SCAND3: variants seen among roughly 807,000 people sequenced by gnomAD.
SCAND3 encodes the protein SCAN domain-containing protein 3.
chr6:28,585,008 C>T, the SCAND3 span, among the ~76,000 whole-genome samples: 1 of 152,252 alleles, frequency 6.6e-6, no homozygotes, highest in Non-Finnish European at 1.5e-5. Context: ...AATCCACACA[C>T]TTAACAAATG....
the SCAND3 span, among the ~76,000 whole-genome samples, chr6:28,596,411 T>C: frequency 6.6e-6 from 1 of 152,040 alleles, no homozygotes; most frequent in African/African-American, 2.4e-5. Context: ...GAGATAAAAA[T>C]AGAAATATAT....
the SCAND3 span, chr6:28,591,621 C>T: frequency 1.3e-5 from 2 of 152,162 alleles, no homozygotes; most frequent in African/African-American, 4.8e-5. Context: ...CACTTTCTAT[C>T]AAATGGTTGT....
At chr6:28,579,527 T>C in the SCAND3 span, 1 of 1,024,922 alleles carries the variant, frequency 9.8e-7, no homozygotes, top group Non-Finnish European at 1.4e-6. The surrounding 1 kb of genome is among the most constrained non-coding windows in gnomAD (Gnocchi z 4.5). Context: ...AATCAGTCTT[T>C]ACTGAATTCT....
At chr6:28,604,577 C>T in the SCAND3 span, among the ~76,000 whole-genome samples, 4 of 149,612 alleles carry the variant, frequency 2.7e-5, no homozygotes, top group African/African-American at 7.4e-5. Context: ...GATCATGCCA[C>T]TGCACTCCAG....
chr6:28,586,675 C>T, the SCAND3 span: 1 of 1,614,020 alleles, frequency 6.2e-7, no homozygotes, highest in Admixed American at 1.7e-5. The surrounding 1 kb of genome is among the most constrained non-coding windows in gnomAD (Gnocchi z 4.4). Flanking sequence ...TCTTCTGGAG[C>T]CTGGCCAGCC....
At chr6:28,594,911 G>A in the SCAND3 span, among the ~76,000 whole-genome samples, 2,032 of 152,204 alleles carry the variant, frequency 0.013, 45 homozygotes, top group African/African-American at 0.045. Context: ...AAGGAATAGA[G>A]TTGTTAGTCA....
the SCAND3 span, among the ~76,000 whole-genome samples, chr6:28,600,653 CAG>C: frequency 6.6e-6 from 1 of 152,034 alleles, no homozygotes; most frequent in East Asian, 1.9e-4. Context: ...AAAAAGTAAA[CAG>C]AGTTTTAAGA....
chr6:28,579,212 A>T, the SCAND3 span: 5 of 1,500,916 alleles, frequency 3.3e-6, no homozygotes, highest in Non-Finnish European at 4.6e-6. The surrounding 1 kb of genome is among the most constrained non-coding windows in gnomAD (Gnocchi z 4.5). Flanking sequence ...ATAACTTTCA[A>T]TACTAGACCC....
chr6:28,575,507 A>G, the SCAND3 span: 1 of 1,613,940 alleles, frequency 6.2e-7, no homozygotes, highest in Non-Finnish European at 8.5e-7. This position sits in a 1 kb window ranked among gnomAD's most constrained non-coding sequence, Gnocchi z 4.2. Context: ...AACTTTGTAC[A>G]GAGATCTTGA....
the SCAND3 span, among the ~76,000 whole-genome samples, chr6:28,612,380 G>A: frequency 6.6e-6 from 1 of 151,972 alleles, no homozygotes; most frequent in East Asian, 1.9e-4. Context: ...TTTAACATAA[G>A]GTGTACTCAA....
At chr6:28,577,399 C>A in the SCAND3 span, among the ~76,000 whole-genome samples, 1 of 152,136 alleles carries the variant, frequency 6.6e-6, no homozygotes, top group African/African-American at 2.4e-5. Context: ...AGAGCAGGGA[C>A]CCCTCTTAGG....
At chr6:28,584,981 T>A in the SCAND3 span, among the ~76,000 whole-genome samples, 1 of 152,252 alleles carries the variant, frequency 6.6e-6, no homozygotes, top group East Asian at 1.9e-4. Flanking sequence ...ATTGGATTGC[T>A]TCCTTGTTTG....
chr6:28,582,916 G>A, the SCAND3 span, among the ~76,000 whole-genome samples: 1 of 151,572 alleles, frequency 6.6e-6, no homozygotes, highest in Admixed American at 6.6e-5. This position sits in a 1 kb window ranked among gnomAD's most constrained non-coding sequence, Gnocchi z 4.8. Context: ...GTGAGACTCC[G>A]TCTCAAAAAA....
the SCAND3 span, chr6:28,597,596 G>C: frequency 6.6e-6 from 1 of 152,182 alleles, no homozygotes; most frequent in Non-Finnish European, 1.5e-5. Context: ...ATGACACCTA[G>C]AGTGGTTCAG....
chr6:28,574,714 A>C, the SCAND3 span: 116 of 1,614,150 alleles, frequency 7.2e-5, no homozygotes, highest in African/African-American at 1.4e-3. Context: ...TTTAACAGGC[A>C]AACTTCTTTG....
the SCAND3 span, among the ~76,000 whole-genome samples, chr6:28,573,995 T>TG: frequency 2.0e-5 from 3 of 152,210 alleles, no homozygotes; most frequent in African/African-American, 7.2e-5. Context: ...TATACATCTT[T>TG]GGGTTATGGC....
At chr6:28,585,159 A>G in the SCAND3 span, 1 of 152,208 alleles carries the variant, frequency 6.6e-6, no homozygotes, top group Non-Finnish European at 1.5e-5. Context: ...TGCATGACCA[A>G]TCTCACAGTT....
At chr6:28,578,691 GA>G in the SCAND3 span, among the ~76,000 whole-genome samples, 4 of 152,112 alleles carry the variant, frequency 2.6e-5, no homozygotes, top group Admixed American at 2.6e-4. Context: ...GAAGTTTGTA[GA>G]ATCAATATTA....
the SCAND3 span, among the ~76,000 whole-genome samples, chr6:28,613,288 G>A: frequency 6.6e-6 from 1 of 152,124 alleles, no homozygotes; most frequent in Non-Finnish European, 1.5e-5. Flanking sequence ...TGTTCAGAGA[G>A]GTGGTTTAAC....
Sources: allele counts gnomAD v4.1 joint callset (sites outside exome capture counted in the v4.1 genomes callset), GRCh38; gene constraint gnomAD v4.1.1; non-coding constraint Gnocchi (gnomAD v3.1); transcripts MANE v1.5; gene names NCBI Gene and HGNC (gene_info 2026-07-23, HGNC 2026-07-21).